Variants in RETREG1 observed in about 807,000 individuals in gnomAD.
RETREG1 encodes reticulophagy regulator 1.
Under a neutral mutation model 54.8 loss-of-function variants are expected in RETREG1, and 44 were observed. That is an observed-to-expected ratio of 0.80 (90% CI 0.63 to 1.03). The LOEUF (loss-of-function observed/expected upper bound fraction) is 1.03, where lower values mean the gene tolerates loss of function less well. RETREG1 is among the 50% of genes least tolerant of loss of function. The pLI is 0.00. For missense variants in RETREG1, 554 were observed against 605.1 expected (o/e 0.92, Z 0.89); for synonymous variants, 217 against 238.5 (o/e 0.91, Z 0.83).
In RETREG1 at chr5:16,593,655, A is replaced by G. The variant is rs1319413016; in HGVS notation, c.321-21553T>C. 6.6e-6 allele frequency among the ~76,000 whole-genome samples: 1 copy of G among 152,166 alleles called. No individual in the cohort carries two copies. Among genetic ancestry groups the G allele is most frequent in the Admixed American group, 6.5e-5 (1 of 15,268 alleles). On this transcript the variant is annotated intron_variant, in intron 1 of 8. Coordinates refer to ENST00000306320, the MANE Select transcript of RETREG1 (RefSeq NM_001034850.3). This position sits in a 1 kb window ranked among gnomAD's most constrained non-coding sequence, Gnocchi z 4.9. ...CTTTGGGAAGCATCAGATAACATGA[A>G]TGGCCCTTGGATATCTGCTTAGACA...
At position 16,474,968 on chromosome 5, in the gene RETREG1, C is replaced by T. The variant is rs1161943945; in HGVS notation, c.1267G>A (p.Ala423Thr). The T allele has an allele frequency of 1.2e-6, 2 of 1,613,910 alleles. No individual in the cohort carries two copies. Among genetic ancestry groups the T allele is most frequent in the Admixed American group, 1.7e-5 (1 of 59,926 alleles). Reference protein sequence around the residue: ...AGDVITAAVTAAIKDQLEGVQ... With the variant: ...AGDVITAAVTTAIKDQLEGVQ... Reference sequence around the variant, plus strand: ...CCCTCTAACTGGTCTTTGATAGCTGCAGTCACTGCAGCTGTGATAACATCC... The same window carrying T: ...CCCTCTAACTGGTCTTTGATAGCTGTAGTCACTGCAGCTGTGATAACATCC... Residue 423 changes from alanine (A) to threonine (T), a missense_variant, in exon 9 of 9, where the codon GCA (alanine) becomes ACA (threonine). This residue lies in a region of RETREG1 where 347 missense variants were observed against 412.3 expected (regional missense o/e 0.84). Transcript: ENST00000306320.
intron 3 of RETREG1, among the ~76,000 whole-genome samples, chr5:16,504,675 G>C (rs777135264): frequency 6.6e-6 from 1 of 152,090 alleles, no homozygotes; most frequent in African/African-American, 2.4e-5. Flanking sequence ...AACTGCACAG[G>C]CTCCTCAGGA....
At chr5:16,600,943 AT>A (rs766403789) in intron 1 of RETREG1, among the ~76,000 whole-genome samples, 5 of 152,252 alleles carry the variant, frequency 3.3e-5, no homozygotes, top group Non-Finnish European at 7.3e-5. Context: ...GAAATTTTAA[AT>A]CAGTAGAATG....
intron 3 of RETREG1, among the ~76,000 whole-genome samples, chr5:16,510,138 C>A (rs1231076107): frequency 6.6e-6 from 1 of 151,968 alleles, no homozygotes; most frequent in African/African-American, 2.4e-5. Flanking sequence ...GACTTTCTAC[C>A]ACATTAAAGA....
chr5:16,581,626 C>A (rs1742486289), intron 1 of RETREG1, among the ~76,000 whole-genome samples: 1 of 151,930 alleles, frequency 6.6e-6, no homozygotes, highest in Non-Finnish European at 1.5e-5. Context: ...GCACTTGTGA[C>A]CACATCAATG....
chr5:16,578,515 C>T (rs1047077643), intron 1 of RETREG1, among the ~76,000 whole-genome samples: 1 of 152,126 alleles, frequency 6.6e-6, no homozygotes, highest in African/African-American at 2.4e-5. Flanking sequence ...ATCTGCTGGG[C>T]GTGGGCGATC....
At chr5:16,492,229 T>TCACACA (rs879805653) in intron 3 of RETREG1, among the ~76,000 whole-genome samples, 32 of 110,566 alleles carry the variant, frequency 2.9e-4, no homozygotes, top group African/African-American at 7.5e-4. Flanking sequence ...TCTCTCTCTC[T>TCACACA]CACACACACA....
intron 3 of RETREG1, among the ~76,000 whole-genome samples, chr5:16,527,180 A>AGATG (rs533341172): frequency 1.2e-4 from 18 of 152,312 alleles, no homozygotes; most frequent in Non-Finnish European, 2.5e-4. Flanking sequence ...AAAACCTTAG[A>AGATG]GATGGGGTCA....
chr5:16,606,584 T>C (rs1221674356), intron 1 of RETREG1, among the ~76,000 whole-genome samples: 1 of 152,108 alleles, frequency 6.6e-6, no homozygotes, highest in East Asian at 1.9e-4. Context: ...ACCCTTGCAT[T>C]GGTTAAGGTC....
chr5:16,526,078 G>A (rs970370369), intron 3 of RETREG1, among the ~76,000 whole-genome samples: 2 of 152,250 alleles, frequency 1.3e-5, no homozygotes, highest in African/African-American at 4.8e-5. Flanking sequence ...CTACACTGGT[G>A]TGTGACCAAA....
intron 5 of RETREG1, among the ~76,000 whole-genome samples, 178 bp from the exon 6 acceptor site, chr5:16,479,165 G>A (rs1337263604): frequency 6.6e-5 from 10 of 151,598 alleles, no homozygotes; most frequent in Admixed American, 6.6e-4. Context: ...AACATTTTCT[G>A]CCACCACCCA....
rs76266455 is a variant in RETREG1 at position 16,483,473 on chromosome 5, C to G, written c.459-1G>C. On this transcript the variant is annotated splice_acceptor_variant, in intron 3 of 8. Transcript: ENST00000306320. LOFTEE classifies it high-confidence loss of function. ...TGGTTTGGAATTGATAACTTCCCAG[C>G]TAAAGAGACAAAAAGAAAAAAAATA... is the stretch of plus-strand genomic sequence containing the variant. 6.2e-7 allele frequency: 1 copy of G among 1,612,824 alleles called. No homozygotes were observed.
intron 1 of RETREG1, among the ~76,000 whole-genome samples, chr5:16,582,654 TA>T (rs1031189681): frequency 1.4e-5 from 1 of 71,824 alleles, no homozygotes; most frequent in African/African-American, 5.1e-5. Context: ...GGTTAAAAAA[TA>T]AAATAAGAAA....
chr5:16,525,326 T>A (rs1047195214), intron 3 of RETREG1, among the ~76,000 whole-genome samples: 1 of 116,468 alleles, frequency 8.6e-6, no homozygotes, highest in Admixed American at 8.1e-5. Context: ...AACAGGTGGA[T>A]GTGCGCGGGT....
chr5:16,612,405 A>G (rs1453049215), intron 1 of RETREG1, among the ~76,000 whole-genome samples: 1 of 152,238 alleles, frequency 6.6e-6, no homozygotes, highest in Non-Finnish European at 1.5e-5. Context: ...CAAGTACAAC[A>G]TGGGTTGCTT....
In RETREG1 at chr5:16,594,328, T is replaced by G. The variant is rs1742845543; in HGVS notation, c.321-22226A>C. On this transcript the variant is annotated intron_variant, in intron 1 of 8. Coordinates refer to ENST00000306320, the MANE Select transcript of RETREG1 (RefSeq NM_001034850.3). The surrounding 1 kb of genome is among the most constrained non-coding windows in gnomAD (Gnocchi z 4.4). ...AGTTCTAAGTGTATTAGAATAGATT[T>G]TTAAATGTGACTGAATGAAAATGAG... 6.6e-6 allele frequency among the ~76,000 whole-genome samples: 1 copy of G among 152,226 alleles called. No individual in the cohort carries two copies. Among genetic ancestry groups the G allele is most frequent in the African/African-American group, 2.4e-5 (1 of 41,450 alleles).
chr5:16,616,905 C>T lies in RETREG1; in HGVS notation c.67G>A (p.Ala23Thr), dbSNP rs1167496869. 1 of 1,480,042 alleles carries T rather than the reference C, an allele frequency of 6.8e-7. No individual in the cohort carries two copies. The highest frequency in any genetic ancestry group is 8.9e-7 in the Non-Finnish European group (1 of 1,122,646). 91.7% of individuals were successfully genotyped at this position (1,480,042 alleles called of 1,614,324 possible). The change falls in exon 1 of 9, where the codon GCG (alanine) becomes ACG (threonine). Residue 23 changes from alanine (A) to threonine (T), a missense_variant. This residue lies in a region of RETREG1 where 175 missense variants were observed against 142.1 expected (regional missense o/e 1.23). Coordinates refer to ENST00000306320, the MANE Select transcript of RETREG1 (RefSeq NM_001034850.3). ...TGGGGCGGTGGCGGCGACGGCGGCG[C>T]CTGCTCCTCGGCGGCAGGAGCCGGG... ...GCPAPAAEEQ[A>T]PPSPPPPQAS... is the part of the protein sequence containing the mutation.
chr5:16,508,515 A>T lies in RETREG1; in HGVS notation c.459-25043T>A, dbSNP rs534356672. The T allele has an allele frequency of 2.5e-5, 36 of 1,457,126 alleles. No individual in the cohort carries two copies. The African/African-American group carries it at 4.5e-4, about 18-fold the overall frequency. 90.3% of individuals were successfully genotyped at this position (1,457,126 alleles called of 1,614,324 possible). The stretch of plus-strand genomic sequence containing the variant: ...TTTTTAAATTAGTCATAATATTTTT[A>T]AAAAGATAACTAGCCAGTGAAACAG... On this transcript the variant is annotated intron_variant, in intron 3 of 8. Coordinates refer to ENST00000306320, the MANE Select transcript of RETREG1 (RefSeq NM_001034850.3).
At position 16,473,874 on chromosome 5, in the gene RETREG1, G is replaced by A. The variant is rs1738409702; in HGVS notation, c.*867C>T. 1 of 152,086 alleles carries A rather than the reference G, an allele frequency of 6.6e-6. No homozygotes were observed. 9.4% of individuals were successfully genotyped at this position (152,086 alleles called of 1,614,324 possible). ...AAGAACTAGTTTCACAATTTTAGGA[G>A]ACTTTTTTCATGACATAATATAAAA... On this transcript the variant is annotated 3_prime_UTR_variant, in exon 9 of 9. Coordinates refer to ENST00000306320, the MANE Select transcript of RETREG1 (RefSeq NM_001034850.3).
Sources: allele counts gnomAD v4.1 joint callset (sites outside exome capture counted in the v4.1 genomes callset), GRCh38; gene constraint gnomAD v4.1.1; regional missense constraint gnomAD v4.1.1; non-coding constraint Gnocchi (gnomAD v3.1); transcripts MANE v1.5; gene names NCBI Gene and HGNC (gene_info 2026-07-23, HGNC 2026-07-21).